Variants in MBOAT7 observed in about 807,000 individuals in gnomAD.
MBOAT7 encodes the protein membrane-bound acylglycerophosphatidylinositol O-acyltransferase MBOAT7.
MBOAT7 carries 40 observed loss-of-function variants against 47.4 expected under a neutral mutation model. The observed-to-expected ratio is 0.84, with a 90% confidence interval of 0.66 to 1.10. MBOAT7 has a LOEUF of 1.10. Among genes scored for constraint, MBOAT7 ranks in the 50% least tolerant of loss-of-function variants. The probability of loss-of-function intolerance (pLI) is 0.00; values close to 1 mark genes in which losing one functional copy is unlikely to be tolerated. For missense variants in MBOAT7, 680 were observed against 655.6 expected (o/e 1.04, Z -0.41); for synonymous variants, 361 against 292.0 (o/e 1.24, Z -2.41).
intron 3 of MBOAT7, 89 bp from the exon 4 acceptor site, chr19:54,187,376 C>A: frequency 6.9e-7 from 1 of 1,438,860 alleles, no homozygotes; most frequent in Non-Finnish European, 9.3e-7. Context: ...AATCCTCCCC[C>A]AGCTCTCCCC....
At chr19:54,176,521 G>A (rs568178630) in intron 7 of MBOAT7, among the ~76,000 whole-genome samples, 1 of 152,240 alleles carries the variant, frequency 6.6e-6, no homozygotes, top group African/African-American at 2.4e-5. Flanking sequence ...TCACGCCACT[G>A]CACTTGAGCT....
intron 4 of MBOAT7, 112 bp downstream of exon 4, chr19:54,187,049 C>T: frequency 7.5e-7 from 1 of 1,329,378 alleles, no homozygotes; most frequent in East Asian, 2.5e-5. Flanking sequence ...ACGTCCCACC[C>T]CCAGGGTGTG....
At chr19:54,186,908 C>G in intron 4 of MBOAT7, 3 of 507,052 alleles carry the variant, frequency 5.9e-6, no homozygotes, top group Non-Finnish European at 7.0e-6. Context: ...TCTGGCACAC[C>G]GCAAGCACCC....
rs756299945 is a variant in MBOAT7, at chr19:54,180,804, C to T, written c.823G>A (p.Gly275Ser). 5.8e-6 allele frequency: 9 copies of T among 1,558,070 alleles called. No individual in the cohort carries two copies. Among genetic ancestry groups the T allele is most frequent in the Non-Finnish European group, 6.9e-6 (8 of 1,157,308 alleles). The change falls in exon 6 of 8, where the codon GGC becomes AGC. Residue 275 changes from glycine (G) to serine (S), a missense_variant. Physicochemically the swap from Gly to Ser is moderately conservative, Grantham distance 56. Transcript: ENST00000245615. This position sits in a 1 kb window ranked among gnomAD's most constrained non-coding sequence, Gnocchi z 5.2. ...GGGGGTGGGCATTGGAGGGTGGGGC[C>T]GCCTCCGGCCCGGGCTTTGGCGGCC... ...PVAAKARAGG[G>S]PTLQCPPPSS...
chr19:54,188,108 A>G (rs1012479555), intron 3 of MBOAT7, 109 bp downstream of exon 3: 1 of 1,060,584 alleles, frequency 9.4e-7, no homozygotes, highest in Non-Finnish European at 1.4e-6. Context: ...TGAGCTGATC[A>G]ACAAGAGACA....
intron 6 of MBOAT7, 91 bp from the exon 7 acceptor site, chr19:54,179,032 A>C: frequency 6.6e-7 from 1 of 1,514,990 alleles, no homozygotes; most frequent in Admixed American, 2.0e-5. Context: ...CCGGATGCTA[A>C]GGAAGGGATC....
chr19:54,175,014 C>G (rs1347856997), intron 7 of MBOAT7, among the ~76,000 whole-genome samples: 3 of 140,310 alleles, frequency 2.1e-5, no homozygotes, highest in East Asian at 2.2e-4. Flanking sequence ...CTCGCTCTGT[C>G]GCCCAGGCTA....
At chr19:54,183,250 T>C (rs1276784965) in intron 5 of MBOAT7, among the ~76,000 whole-genome samples, 1 of 152,142 alleles carries the variant, frequency 6.6e-6, no homozygotes, top group Non-Finnish European at 1.5e-5. Flanking sequence ...TTGACATAGA[T>C]CTTTACCTCC....
Position 54,173,910 on chromosome 19 carries a change from G to T in MBOAT7, c.*134C>A. The T allele has an allele frequency of 8.8e-7, 1 of 1,133,978 alleles. No individual in the cohort carries two copies. Among genetic ancestry groups the T allele is most frequent in the African/African-American group, 1.6e-5 (1 of 62,542 alleles). The allele number at this position is 1,133,978 out of a possible 1,614,324, so 70.2% of individuals were successfully genotyped here. On this transcript the variant is annotated 3_prime_UTR_variant, in exon 8 of 8. Transcript: ENST00000245615. ...ACCCCCGGGTCTGCTTCAGTTGCAG[G>T]CAGGGTATTTAGCTGGGGAAGAGGA...
chr19:54,182,194 T>C (rs552192981), intron 5 of MBOAT7, among the ~76,000 whole-genome samples: 46 of 151,896 alleles, frequency 3.0e-4, no homozygotes, highest in African/African-American at 1.1e-3. Flanking sequence ...AATTTTTATA[T>C]GTTCACAAAG....
Position 54,174,997 on chromosome 19 carries a change from A to G in MBOAT7, c.1032-566T>C, listed in dbSNP as rs533199457. Among the ~76,000 whole-genome samples the G allele has an allele frequency of 1.3e-4, 18 of 133,438 alleles. No homozygotes were observed. In the South Asian group the frequency reaches 1.6e-3, roughly 12 times the overall value. 87.5% of individuals were successfully genotyped at this position (133,438 alleles called of 152,430 possible). A position where few individuals can be genotyped will look rare whatever the true frequency, so the allele number is the denominator to read the frequency against. On this transcript the variant is annotated intron_variant, in intron 7 of 7. Coordinates refer to ENST00000245615, the MANE Select transcript of MBOAT7 (RefSeq NM_024298.5). ...GTGGTTTTTTTTTTTTTTTTTTGAG[A>G]CAGAGTCTCGCTCTGTCGCCCAGGC...
Position 54,178,942 on chromosome 19 carries a change from C to CT in MBOAT7, c.855-2dup. The stretch of plus-strand genomic sequence containing the variant: ...CTCCAAGGAAGCCGCCTTCTCCGGA[C>CT]TGGGGGGTGGAGGATGAGGGTGGGG... On this transcript the variant is annotated splice_acceptor_variant, in intron 6 of 7. Coordinates refer to ENST00000245615, the MANE Select transcript of MBOAT7 (RefSeq NM_024298.5). LOFTEE classifies it high-confidence loss of function. The CT allele has an allele frequency of 1.2e-6, 2 of 1,612,410 alleles. No homozygotes were observed. Among genetic ancestry groups the CT allele is most frequent in the Non-Finnish European group, 1.7e-6 (2 of 1,179,600 alleles).
chr19:54,188,137 G>A, intron 3 of MBOAT7, 80 bp downstream of exon 3: 2 of 1,421,356 alleles, frequency 1.4e-6, no homozygotes, highest in South Asian at 1.4e-5. Flanking sequence ...TGAGGCAGAA[G>A]CTGAAAAAGA....
chr19:54,175,613 C>G (rs947664845), intron 7 of MBOAT7, among the ~76,000 whole-genome samples: 1 of 152,118 alleles, frequency 6.6e-6, no homozygotes, highest in African/African-American at 2.4e-5. Flanking sequence ...TGTTGCCACA[C>G]GACAAGGCTC....
chr19:54,175,006 C>G (rs192915089), intron 7 of MBOAT7, among the ~76,000 whole-genome samples: 8 of 141,458 alleles, frequency 5.7e-5, no homozygotes, highest in Admixed American at 1.4e-4. Context: ...GACAGAGTCT[C>G]GCTCTGTCGC....
At chr19:54,178,581 G>A in intron 7 of MBOAT7, 184 bp downstream of exon 7, 1 of 1,427,236 alleles carries the variant, frequency 7.0e-7, no homozygotes, top group Non-Finnish European at 9.1e-7. Flanking sequence ...CCCGAGAGGG[G>A]GAACGATTTT....
intron 5 of MBOAT7, among the ~76,000 whole-genome samples, chr19:54,181,685 A>C (rs560997532): frequency 5.6e-4 from 46 of 82,358 alleles, no homozygotes; most frequent in African/African-American, 2.4e-3. Context: ...GAGGGAAGGA[A>C]GGAGGGAGGG....
At chr19:54,174,646 G>A (rs893715961) in intron 7 of MBOAT7, among the ~76,000 whole-genome samples, 1 of 145,948 alleles carries the variant, frequency 6.9e-6, no homozygotes, top group Non-Finnish European at 1.5e-5. Flanking sequence ...AGACCCAGGA[G>A]ACCAGACCCC....
At chr19:54,178,992 C>T (rs752603683) in intron 6 of MBOAT7, 51 bp from the exon 7 acceptor site, 15 of 1,592,280 alleles carry the variant, frequency 9.4e-6, no homozygotes, top group Non-Finnish European at 1.2e-5. Context: ...TCAGCCAGGC[C>T]CCCTCCCGAC....
Sources: gnomAD v4.1 joint callset for allele counts (sites outside exome capture counted in the v4.1 genomes callset) on GRCh38, gnomAD v4.1.1 for gene constraint, Gnocchi (gnomAD v3.1) non-coding constraint, MANE v1.5 for transcripts, NCBI Gene and HGNC (gene_info 2026-07-23, HGNC 2026-07-21) for gene names.